The following MTUS1 variants were observed in gnomAD, a reference collection of about 807,000 sequenced individuals.
The protein encoded by MTUS1 is microtubule-associated tumor suppressor 1.
MTUS1 carries 109 observed loss-of-function variants against 120.8 expected under a neutral mutation model. That is an observed-to-expected ratio of 0.90 (90% CI 0.77 to 1.06). The LOEUF (loss-of-function observed/expected upper bound fraction) is 1.06. Ranked by LOEUF, MTUS1 falls within the 50% of genes least tolerant of loss-of-function variation. MTUS1 has a pLI of 0.00. For missense variants in MTUS1, 2,210 were observed against 1,486.3 expected (o/e 1.49, Z -8.01); for synonymous variants, 737 against 550.5 (o/e 1.34, Z -4.74).
chr8:17,755,761 G>T lies in MTUS1; in HGVS notation c.47C>A (p.Thr16Asn). Residue 16 changes from threonine to asparagine, a missense_variant, in exon 2 of 15, where the codon ACC (threonine) becomes AAC (asparagine). Transcript: ENST00000693296. ...SDDKIEDELQ[T>N]FFTSDKDGNT... is the part of the protein sequence containing the mutation. Reference sequence around the variant, plus strand: ...TCCATCTTTATCACTGGTAAAGAAGGTTTGCAATTCATCTTCTATTTTATC... The same window carrying T: ...TCCATCTTTATCACTGGTAAAGAAGTTTTGCAATTCATCTTCTATTTTATC... The T allele has an allele frequency of 6.2e-7, 1 of 1,613,874 alleles. No homozygotes were observed. The highest frequency in any genetic ancestry group is 8.5e-7 in the Non-Finnish European group (1 of 1,179,892).
At chr8:17,784,068 T>C (rs566418576) in intron 1 of MTUS1, among the ~76,000 whole-genome samples, 4 of 151,324 alleles carry the variant, frequency 2.6e-5, no homozygotes, top group African/African-American at 9.7e-5. Flanking sequence ...TATCCATTCA[T>C]GCCTTTCTCC....
At position 17,754,913 on chromosome 8, in the gene MTUS1, T is replaced by C. The variant is rs527925234; in HGVS notation, c.895A>G (p.Met299Val). The C allele has an allele frequency of 1.4e-5, 23 of 1,614,124 alleles. No individual in the cohort carries two copies. The highest frequency in any genetic ancestry group is 6.7e-5 in the East Asian group (3 of 44,892). The change falls in exon 2 of 15, where the codon ATG becomes GTG. Residue 299 changes from methionine to valine, a missense_variant. By Grantham distance (21) the Met-to-Val change is conservative. Transcript: ENST00000693296. ...TQALTPVSDG[M>V]EVPNDSALQE... ...AATGCAGAATCATTGGGGACTTCCA[T>C]GCCATCAGAAACTGGTGTTAGTGCT...
chr8:17,787,044 C>T (rs1359933788), intron 1 of MTUS1, among the ~76,000 whole-genome samples: 2 of 152,162 alleles, frequency 1.3e-5, no homozygotes, highest in African/African-American at 2.4e-5. Flanking sequence ...GAAAAGCGAT[C>T]GGAAGCTTCA....
chr8:17,790,965 G>A (rs2051734548), intron 1 of MTUS1, among the ~76,000 whole-genome samples: 1 of 152,116 alleles, frequency 6.6e-6, no homozygotes, highest in East Asian at 1.9e-4. Flanking sequence ...CAACCTGGGT[G>A]ACAAAGCAAA....
intron 8 of MTUS1, among the ~76,000 whole-genome samples, chr8:17,656,386 G>C (rs1040655581): frequency 2.6e-5 from 4 of 151,868 alleles, no homozygotes; most frequent in African/African-American, 7.3e-5. Context: ...AAATTAGCCG[G>C]GCATGGTAGC....
At chr8:17,667,130 C>G (rs949753584) in intron 8 of MTUS1, among the ~76,000 whole-genome samples, 1 of 152,198 alleles carries the variant, frequency 6.6e-6, no homozygotes, top group African/African-American at 2.4e-5. Context: ...AACTGCATAT[C>G]TGCAGGTGAA....
In MTUS1 at chr8:17,754,942, G is replaced by C. The variant is rs776336484; in HGVS notation, c.866C>G (p.Thr289Arg). ...ATCAGAAACTGGTGTTAGTGCTTGT[G>C]TCTCCTTTTCTCCAACTAGTCTTTG... The part of the protein sequence containing the change: ...SQQRLVGEKE[T>R]QALTPVSDGM... Residue 289 changes from threonine to arginine, a missense_variant, in exon 2 of 15, where the codon ACA becomes AGA. Coordinates refer to ENST00000693296, the MANE Select transcript of MTUS1 (RefSeq NM_001363059.2). The C allele has an allele frequency of 6.8e-6, 11 of 1,614,102 alleles. 1 individual carries two copies. The South Asian group carries it at 1.2e-4, about 18-fold the overall frequency.
Position 17,647,009 on chromosome 8 carries a change from C to T in MTUS1, c.3572G>A (p.Arg1191Gln), listed in dbSNP as rs567375046. The change falls in exon 14 of 15, where the codon CGG becomes CAG. Residue 1191 changes from arginine (R) to glutamine (Q), a missense_variant. Coordinates refer to ENST00000693296, the MANE Select transcript of MTUS1 (RefSeq NM_001363059.2). The part of the protein sequence containing the change: ...FQQENEELKA[R>Q]MDKHMAISRQ... ...TGAGATTGCCATGTGCTTGTCCATCCGAGCTTTCAATTCTTCATTCTCCTG... is the reference window on the plus strand; with the variant it reads ...TGAGATTGCCATGTGCTTGTCCATCTGAGCTTTCAATTCTTCATTCTCCTG... 9.3e-6 allele frequency: 15 copies of T among 1,613,756 alleles called. No homozygotes were observed. The highest frequency in any genetic ancestry group is 4.0e-5 in the African/African-American group (3 of 74,846).
chr8:17,710,626 C>G (rs117994220), intron 6 of MTUS1, among the ~76,000 whole-genome samples: 1 of 152,188 alleles, frequency 6.6e-6, no homozygotes, highest in Non-Finnish European at 1.5e-5. Flanking sequence ...AACTCCTATT[C>G]ACGTTGGTGC....
intron 1 of MTUS1, among the ~76,000 whole-genome samples, chr8:17,774,003 T>C (rs562485828): frequency 6.6e-6 from 1 of 152,178 alleles, no homozygotes; most frequent in Non-Finnish European, 1.5e-5. Flanking sequence ...CCCTCACATC[T>C]ACATTCTCTC....
chr8:17,721,701 C>T lies in MTUS1; in HGVS notation c.2449+1971G>A, dbSNP rs144312287. 916 of 1,547,830 alleles carry T rather than the reference C, an allele frequency of 5.9e-4. 1 individual carries two copies. Among genetic ancestry groups the T allele is most frequent in the Non-Finnish European group, 7.4e-4 (845 of 1,145,260 alleles). On this transcript the variant is annotated intron_variant, in intron 4 of 14. Transcript: ENST00000693296. The stretch of plus-strand genomic sequence containing the variant: ...CTTACAAAGAAAAGAAACCAGAAAT[C>T]GTCGACCTACTTTTTTTCCCAGTAA...
intron 8 of MTUS1, among the ~76,000 whole-genome samples, chr8:17,665,652 T>C (rs1333315750): frequency 3.9e-5 from 6 of 152,086 alleles, no homozygotes; most frequent in Middle Eastern, 3.2e-3. Context: ...TGAGCCACTA[T>C]GCCCGGCCCT....
At chr8:17,674,719 G>C in intron 8 of MTUS1, 1 of 994,758 alleles carries the variant, frequency 1.0e-6, no homozygotes, top group Non-Finnish European at 1.2e-6. Flanking sequence ...AGCATAGAAC[G>C]TGCCTTTTTC....
chr8:17,745,434 G>C (rs796854843), intron 2 of MTUS1, among the ~76,000 whole-genome samples: 6 of 152,208 alleles, frequency 3.9e-5, no homozygotes, highest in African/African-American at 1.4e-4. Flanking sequence ...TTCAAGTTTT[G>C]CTTTTTGAAA....
intron 3 of MTUS1, chr8:17,724,146 A>T (rs764274543): frequency 2.0e-6 from 1 of 504,242 alleles, no homozygotes; most frequent in Admixed American, 2.4e-5. Flanking sequence ...ATCATGAGAA[A>T]GCAGCTTTTG....
Position 17,644,235 on chromosome 8 carries a change from G to C in MTUS1, c.*1691C>G, listed in dbSNP as rs781734128. ...CATGGAAGGTTACATACATGATGAA[G>C]TATTGGAAGTTAAAGACTTAAGACA... On this transcript the variant is annotated 3_prime_UTR_variant, in exon 15 of 15. Transcript: ENST00000693296. The C allele has an allele frequency of 6.6e-6, 1 of 152,550 alleles. No homozygotes were observed. Among genetic ancestry groups the C allele is most frequent in the Non-Finnish European group, 1.5e-5 (1 of 68,042 alleles). 9.4% of individuals were successfully genotyped at this position (152,550 alleles called of 1,614,324 possible).
At chr8:17,692,861 A>C (rs1235125048) in intron 6 of MTUS1, among the ~76,000 whole-genome samples, 2 of 152,198 alleles carry the variant, frequency 1.3e-5, no homozygotes, top group African/African-American at 2.4e-5. Flanking sequence ...AGTTCAAAAT[A>C]AAATAAAATG....
intron 6 of MTUS1, chr8:17,691,310 G>A (rs1393792121): frequency 6.6e-6 from 1 of 152,168 alleles, no homozygotes; most frequent in African/African-American, 2.4e-5. Context: ...CTTACCTATT[G>A]TGAGCAAAAC....
At chr8:17,796,595 A>G (rs1202897416) in intron 1 of MTUS1, among the ~76,000 whole-genome samples, 1 of 152,170 alleles carries the variant, frequency 6.6e-6, no homozygotes, top group Non-Finnish European at 1.5e-5. Flanking sequence ...ATGTATCCAC[A>G]TGGCAAAGAG....
Sources: gnomAD v4.1 joint callset for allele counts (sites outside exome capture counted in the v4.1 genomes callset) on GRCh38, gnomAD v4.1.1 for gene constraint, MANE v1.5 for transcripts, NCBI Gene and HGNC (gene_info 2026-07-23, HGNC 2026-07-21) for gene names.